SLC17A8: variants seen among roughly 807,000 people sequenced by gnomAD.
The protein encoded by SLC17A8 is vesicular glutamate transporter 3.
Under a neutral mutation model 58.0 loss-of-function variants are expected in SLC17A8, and 31 were observed. That is an observed-to-expected ratio of 0.53 (90% CI 0.40 to 0.72). The LOEUF (loss-of-function observed/expected upper bound fraction) is 0.72. Ranked by LOEUF, SLC17A8 falls within the 30% of genes least tolerant of loss-of-function variation. SLC17A8 has a pLI of 0.00. For synonymous variants in SLC17A8, 228 were observed against 249.0 expected, an observed-to-expected ratio of 0.92 and a Z score of 0.79; for missense variants, 655 against 727.8, an observed-to-expected ratio of 0.90 and a Z score of 1.15.
At chr12:100,384,475 C>T (rs1055187751) in intron 2 of SLC17A8, among the ~76,000 whole-genome samples, 1 of 152,106 alleles carries the variant, frequency 6.6e-6, no homozygotes, top group Admixed American at 6.6e-5. Flanking sequence ...TGGTGGCGCA[C>T]ACCTGTAGTA....
chr12:100,368,934 A>G (rs1332120400), intron 1 of SLC17A8, among the ~76,000 whole-genome samples: 3 of 152,212 alleles, frequency 2.0e-5, no homozygotes, highest in Non-Finnish European at 4.4e-5. Context: ...AGCTGCAATC[A>G]ACAGAATACA....
intron 2 of SLC17A8, among the ~76,000 whole-genome samples, chr12:100,388,444 C>T (rs1271243487): frequency 6.6e-6 from 1 of 152,206 alleles, no homozygotes; most frequent in Non-Finnish European, 1.5e-5. Flanking sequence ...ACACAATAAA[C>T]ACAAAATACA....
chr12:100,382,147 G>A (rs763576208), intron 2 of SLC17A8, among the ~76,000 whole-genome samples: 12 of 152,214 alleles, frequency 7.9e-5, no homozygotes, highest in Non-Finnish European at 1.8e-4. Context: ...TGAGGTGGAG[G>A]CAGCGAAGTA....
chr12:100,386,436 C>T (rs1161836468), intron 2 of SLC17A8, among the ~76,000 whole-genome samples: 2 of 152,078 alleles, frequency 1.3e-5, no homozygotes, highest in African/African-American at 4.8e-5. Flanking sequence ...TTGACTGAAA[C>T]TTTTTCCCAT....
chr12:100,366,276 A>C (rs1952520797), intron 1 of SLC17A8, among the ~76,000 whole-genome samples: 1 of 152,172 alleles, frequency 6.6e-6, no homozygotes, highest in Admixed American at 6.5e-5. Context: ...TCTACAAGTC[A>C]AGGAACCACG....
intron 1 of SLC17A8, among the ~76,000 whole-genome samples, chr12:100,371,224 A>G (rs1952556847): frequency 6.6e-6 from 1 of 152,210 alleles, no homozygotes; most frequent in Non-Finnish European, 1.5e-5. Context: ...CGTTCACAGT[A>G]GTCCCATCTT....
At chr12:100,418,771 A>AT (rs150607747) in intron 11 of SLC17A8, among the ~76,000 whole-genome samples, 23 of 152,160 alleles carry the variant, frequency 1.5e-4, no homozygotes, top group African/African-American at 4.6e-4. Context: ...ATACCATGGG[A>AT]TTTTTTTCCC....
At chr12:100,384,322 C>T (rs996777486) in intron 2 of SLC17A8, among the ~76,000 whole-genome samples, 1 of 151,994 alleles carries the variant, frequency 6.6e-6, no homozygotes, top group African/African-American at 2.4e-5. Context: ...TATTGGGGCC[C>T]GGCATGGTGG....
At chr12:100,385,100 GTC>G (rs201988858) in intron 2 of SLC17A8, among the ~76,000 whole-genome samples, 38 of 149,652 alleles carry the variant, frequency 2.5e-4, no homozygotes, top group African/African-American at 3.7e-4. Context: ...TTGGGTTGCT[GTC>G]TCTCTCTCTC....
chr12:100,379,708 T>G (rs2135984262), intron 1 of SLC17A8, among the ~76,000 whole-genome samples: 1 of 152,270 alleles, frequency 6.6e-6, no homozygotes, highest in African/African-American at 2.4e-5. Flanking sequence ...AATTACTTTT[T>G]TTTTAAAAGA....
At chr12:100,378,684 C>T (rs1331885013) in intron 1 of SLC17A8, among the ~76,000 whole-genome samples, 2 of 151,900 alleles carry the variant, frequency 1.3e-5, no homozygotes, top group East Asian at 3.9e-4. Context: ...GATCTAGTGT[C>T]CAGGGAAAGG....
In SLC17A8 at chr12:100,401,796, G is replaced by A. The variant is rs771613250; in HGVS notation, c.696G>A (p.Val232=). Residue 232 remains valine (V), a synonymous_variant, in exon 6 of 12, where the codon GTG becomes GTA. Transcript: ENST00000323346. ...TTCCAGGTTCCTATGCAGGGGCAGT[G>A]GTTGCCATGCCCCTGGCTGGGGTGT... ...TSFCGSYAGA[V]VAMPLAGVLV... The A allele has an allele frequency of 6.2e-7, 1 of 1,613,932 alleles. No homozygotes were observed. The highest frequency in any genetic ancestry group is 1.1e-5 in the South Asian group (1 of 91,054).
chr12:100,417,668 C>T (rs1173755555), intron 10 of SLC17A8, among the ~76,000 whole-genome samples: 1 of 152,130 alleles, frequency 6.6e-6, no homozygotes, highest in Non-Finnish European at 1.5e-5. Context: ...AAGGTTTGGT[C>T]TAGTCATACT....
intron 11 of SLC17A8, among the ~76,000 whole-genome samples, chr12:100,419,174 G>A (rs1221426400): frequency 6.6e-6 from 1 of 152,172 alleles, no homozygotes; most frequent in African/African-American, 2.4e-5. Context: ...TAATTTAGCT[G>A]ACTATGTGAA....
intron 1 of SLC17A8, among the ~76,000 whole-genome samples, chr12:100,373,382 G>A (rs1952571837): frequency 6.6e-6 from 1 of 151,254 alleles, no homozygotes; most frequent in Non-Finnish European, 1.5e-5. Flanking sequence ...TTCTGGGCAG[G>A]ATGAATAGAT....
At chr12:100,404,000 A>C in intron 8 of SLC17A8, 38 bp from the exon 9 acceptor site, 1 of 1,613,636 alleles carries the variant, frequency 6.2e-7, no homozygotes, top group Non-Finnish European at 8.5e-7. Context: ...CTCTCTCAGA[A>C]ATAATGACAA....
intron 9 of SLC17A8, chr12:100,410,815 A>G (rs1053938377): frequency 2.6e-5 from 4 of 152,280 alleles, no homozygotes; most frequent in African/African-American, 7.2e-5. Flanking sequence ...AAGCTCAGGC[A>G]GGAGGAGAAG....
intron 3 of SLC17A8, among the ~76,000 whole-genome samples, chr12:100,392,459 GA>G (rs894417266): frequency 3.6e-4 from 55 of 152,024 alleles, no homozygotes. Context: ...AAAAAAATTG[GA>G]AGCCACTACC....
At chr12:100,396,546 C>T (rs529382793) in intron 5 of SLC17A8, 129 bp downstream of exon 5, 16 of 700,404 alleles carry the variant, frequency 2.3e-5, no homozygotes, top group South Asian at 1.2e-4. Context: ...CCCAGGAGTT[C>T]GAGATCAGCC....
Sources: gnomAD v4.1 joint callset for allele counts (sites outside exome capture counted in the v4.1 genomes callset) on GRCh38, gnomAD v4.1.1 for gene constraint, MANE v1.5 for transcripts, NCBI Gene and HGNC (gene_info 2026-07-23, HGNC 2026-07-21) for gene names.